PCDH9: variants seen among roughly 807,000 people sequenced by gnomAD.
The protein encoded by PCDH9 is protocadherin-9.
In PCDH9, 24 loss-of-function variants were observed where a neutral mutation model predicts 70.6. The ratio of observed to expected loss-of-function variants is 0.34; its 90% CI spans 0.25 to 0.48. The LOEUF (loss-of-function observed/expected upper bound fraction) is 0.48, where lower values mean the gene tolerates loss of function less well. Among genes scored for constraint, PCDH9 ranks in the 20% least tolerant of loss-of-function variants. The probability of loss-of-function intolerance (pLI) is 0.99; values close to 1 mark genes in which losing one functional copy is unlikely to be tolerated. For synonymous variants in PCDH9, 562 were observed against 558.5 expected (o/e 1.01, Z -0.09); for missense variants, 1,281 against 1,503.6 (o/e 0.85, Z 2.45).
chr13:66,474,928 T>A (rs534095627), intron 4 of PCDH9, among the ~76,000 whole-genome samples: 2 of 152,234 alleles, frequency 1.3e-5, no homozygotes, highest in East Asian at 3.9e-4. Context: ...ATTTCAATGT[T>A]ATCCCAAGAA....
chr13:67,075,949 CA>C (rs1415014157), intron 2 of PCDH9, among the ~76,000 whole-genome samples: 1 of 151,934 alleles, frequency 6.6e-6, no homozygotes, highest in Non-Finnish European at 1.5e-5. Flanking sequence ...AAAAACGTGG[CA>C]AAAATATTGG....
chr13:66,822,368 T>C (rs1173212254), intron 3 of PCDH9, among the ~76,000 whole-genome samples: 1 of 152,054 alleles, frequency 6.6e-6, no homozygotes, highest in African/African-American at 2.4e-5. Flanking sequence ...CCAATATTGA[T>C]ACCAAAGTAT....
intron 3 of PCDH9, among the ~76,000 whole-genome samples, chr13:66,874,558 G>C (rs551335286): frequency 3.9e-5 from 6 of 152,222 alleles, no homozygotes; most frequent in African/African-American, 1.4e-4. Context: ...GTGCCCCCTA[G>C]TAAAATTTAG....
At chr13:66,491,278 A>C (rs1959027558) in intron 4 of PCDH9, among the ~76,000 whole-genome samples, 1 of 152,072 alleles carries the variant, frequency 6.6e-6, no homozygotes, top group African/African-American at 2.4e-5. Context: ...AGGAAAATTT[A>C]ATAAGAGCCT....
At chr13:66,871,975 T>C (rs2081699682) in intron 3 of PCDH9, among the ~76,000 whole-genome samples, 2 of 152,092 alleles carry the variant, frequency 1.3e-5, no homozygotes, top group African/African-American at 2.4e-5. Context: ...TGAGCCACAA[T>C]TCCTTTTACA....
At chr13:66,715,483 A>T (rs186245568) in intron 3 of PCDH9, among the ~76,000 whole-genome samples, 4 of 152,320 alleles carry the variant, frequency 2.6e-5, no homozygotes, top group Non-Finnish European at 2.9e-5. Flanking sequence ...TCAATAATTC[A>T]GTAGTCCATA....
chr13:66,430,266 A>G (rs1957747953), intron 4 of PCDH9, among the ~76,000 whole-genome samples: 1 of 152,102 alleles, frequency 6.6e-6, no homozygotes, highest in African/African-American at 2.4e-5. Flanking sequence ...AAATGGGATC[A>G]TGCAACACAT....
intron 2 of PCDH9, among the ~76,000 whole-genome samples, chr13:67,159,920 T>C (rs548564491): frequency 6.6e-6 from 1 of 152,098 alleles, no homozygotes; most frequent in Non-Finnish European, 1.5e-5. Flanking sequence ...TTCTATTATT[T>C]TTTTGCATAG....
At chr13:67,214,971 TA>T (rs1368316523) in intron 2 of PCDH9, 7 of 126,030 alleles carry the variant, frequency 5.6e-5, no homozygotes, top group Non-Finnish European at 8.5e-5. Context: ...TATATATATA[TA>T]TTCACTTAAT....
Position 66,855,170 on chromosome 13 carries a change from T to C in PCDH9, c.3138+48334A>G, listed in dbSNP as rs756434364. On this transcript the variant is annotated intron_variant, in intron 3 of 4. Coordinates refer to ENST00000377865, the MANE Select transcript of PCDH9 (RefSeq NM_203487.3). ...TTTGGCATTGTGCTACCAATGCTAA[T>C]GGGAAGATGACTTGTCTGTGCCCTT... Among the ~76,000 whole-genome samples the C allele has an allele frequency of 9.2e-5, 14 of 152,248 alleles. No homozygotes were observed. The East Asian group carries it at 2.1e-3, about 23-fold the overall frequency.
intron 4 of PCDH9, among the ~76,000 whole-genome samples, chr13:66,427,280 C>T (rs901942436): frequency 1.3e-5 from 2 of 151,602 alleles, no homozygotes; most frequent in Admixed American, 6.6e-5. Flanking sequence ...TTATATGATT[C>T]TCAATTATCT....
intron 3 of PCDH9, among the ~76,000 whole-genome samples, chr13:66,890,619 A>T (rs2082081724): frequency 6.6e-6 from 1 of 152,088 alleles, no homozygotes; most frequent in Non-Finnish European, 1.5e-5. Context: ...CAAGAAAGAT[A>T]GCACCCCTAT....
At chr13:66,493,917 T>A (rs74095245) in intron 4 of PCDH9, among the ~76,000 whole-genome samples, 2,359 of 152,166 alleles carry the variant, frequency 0.016, 75 homozygotes, top group African/African-American at 0.055. Context: ...ACATTTTCAA[T>A]ATAATAATAA....
intron 3 of PCDH9, among the ~76,000 whole-genome samples, chr13:66,877,373 A>C (rs1314609926): frequency 6.6e-6 from 1 of 150,668 alleles, no homozygotes; most frequent in Non-Finnish European, 1.5e-5. Flanking sequence ...TCTCTCCTAG[A>C]AGGTTTAGTG....
chr13:67,063,214 G>A (rs2085573705), intron 2 of PCDH9, among the ~76,000 whole-genome samples: 1 of 152,030 alleles, frequency 6.6e-6, no homozygotes, highest in African/African-American at 2.4e-5. Context: ...GCATAGTGAG[G>A]TAGAGAGTTC....
At chr13:66,586,239 A>G (rs537516773) in intron 4 of PCDH9, among the ~76,000 whole-genome samples, 14 of 152,324 alleles carry the variant, frequency 9.2e-5, no homozygotes, top group African/African-American at 3.1e-4. Context: ...TTTGCAAAAC[A>G]AAATAATCAG....
At chr13:67,110,320 G>A (rs963533917) in intron 2 of PCDH9, among the ~76,000 whole-genome samples, 2 of 151,826 alleles carry the variant, frequency 1.3e-5, no homozygotes, top group Non-Finnish European at 2.9e-5. Flanking sequence ...TTCAAGACCA[G>A]CCTGGCCAAC....
At chr13:67,218,499 T>C (rs1225155210) in intron 2 of PCDH9, 1 of 152,090 alleles carries the variant, frequency 6.6e-6, no homozygotes, top group African/African-American at 2.4e-5. Context: ...TTAGAGTGTT[T>C]CTTAATCAAC....
At chr13:66,666,287 T>C (rs1173820935) in intron 3 of PCDH9, among the ~76,000 whole-genome samples, 1 of 152,148 alleles carries the variant, frequency 6.6e-6, no homozygotes, top group Non-Finnish European at 1.5e-5. Context: ...GGACACTCCA[T>C]GGTGCACAGG....
Sources: allele counts gnomAD v4.1 joint callset (sites outside exome capture counted in the v4.1 genomes callset), GRCh38; gene constraint gnomAD v4.1.1; transcripts MANE v1.5; gene names NCBI Gene and HGNC (gene_info 2026-07-23, HGNC 2026-07-21).